Variants in HSPD1 observed in about 807,000 individuals in gnomAD.
The protein encoded by HSPD1 is heat shock protein family D (Hsp60) member 1.
A neutral mutation model predicts 53.0 loss-of-function variants in HSPD1; 3 were observed. The observed-to-expected ratio is 0.06, with a 90% CI of 0.03 to 0.15. The LOEUF (loss-of-function observed/expected upper bound fraction) is 0.15. HSPD1 is among the 10% of genes least tolerant of loss of function. HSPD1 has a pLI of 1.00. For missense variants in HSPD1, 431 were observed against 694.1 expected (o/e 0.62, Z 4.26); for synonymous variants, 200 against 228.0 (o/e 0.88, Z 1.10).
intron 10 of HSPD1, 85 bp downstream of exon 10, chr2:197,488,232 C>T: frequency 8.4e-7 from 1 of 1,190,700 alleles, no homozygotes; most frequent in Non-Finnish European, 1.2e-6. Context: ...AATGAATGTG[C>T]TATTCCATTT....
Position 197,491,392 on chromosome 2 carries a change from C to T in HSPD1, c.870-1096G>A, listed in dbSNP as rs9941536. ...AGCCAGGATGGTCTCCATCTCCTGA[C>T]CTCATGATCCACCCGCCTCGGCTTC... On this transcript the variant is annotated intron_variant, in intron 7 of 11. Transcript: ENST00000388968. Among the ~76,000 whole-genome samples the T allele has an allele frequency of 4.3e-3, 655 of 152,120 alleles. 6 individuals carry two copies. Among genetic ancestry groups the T allele is most frequent in the African/African-American group, 0.015 (629 of 41,502 alleles).
chr2:197,490,133 C>G, intron 8 of HSPD1, 64 bp downstream of exon 8: 1 of 1,142,878 alleles, frequency 8.7e-7, no homozygotes, highest in Non-Finnish European at 1.3e-6. Context: ...AAATGTTAAA[C>G]TATCTATAAA....
intron 7 of HSPD1, 87 bp downstream of exon 7, chr2:197,493,237 T>C (rs2086115956): frequency 9.1e-7 from 1 of 1,098,674 alleles, no homozygotes; most frequent in African/African-American, 1.5e-5. Flanking sequence ...AATGTGGAGG[T>C]ACACATGATG....
intron 2 of HSPD1, among the ~76,000 whole-genome samples, chr2:197,498,080 G>GTTTT (rs2086181204): frequency 6.6e-6 from 1 of 152,084 alleles, no homozygotes; most frequent in Non-Finnish European, 1.5e-5. Context: ...AAAACCGATG[G>GTTTT]GTAAAACTAG....
intron 7 of HSPD1, among the ~76,000 whole-genome samples, chr2:197,492,040 C>T (rs1261232975): frequency 2.0e-5 from 3 of 152,162 alleles, no homozygotes; most frequent in Admixed American, 2.0e-4. Context: ...GTGTGTAGTC[C>T]CAGCTACTTG....
intron 1 of HSPD1, 37 bp from the exon 2 acceptor site, chr2:197,498,887 C>G: frequency 1.3e-6 from 2 of 1,590,370 alleles, no homozygotes; most frequent in South Asian, 2.2e-5. Context: ...AGAACTACCA[C>G]CCGTGGTGCG....
intron 6 of HSPD1, among the ~76,000 whole-genome samples, 187 bp downstream of exon 6, chr2:197,493,970 C>T (rs1227449589): frequency 6.6e-6 from 1 of 152,138 alleles, no homozygotes; most frequent in East Asian, 1.9e-4. Context: ...GGCATGGTGG[C>T]GTGTGACTGT....
intron 4 of HSPD1, 187 bp downstream of exon 4, chr2:197,495,107 T>C: frequency 3.2e-6 from 2 of 624,496 alleles, no homozygotes. Context: ...GACAACCACA[T>C]GTAGAACTAA....
rs772384118 is a variant in HSPD1 at position 197,487,013 on chromosome 2, T to C, written c.*33A>G. 2 of 1,060,260 alleles carry C rather than the reference T, an allele frequency of 1.9e-6. No homozygotes were observed. Among genetic ancestry groups the C allele is most frequent in the East Asian group, 2.4e-5 (1 of 42,428 alleles). The allele number at this position is 1,060,260 out of a possible 1,614,324, so 65.7% of individuals were successfully genotyped here. A position where few individuals can be genotyped will look rare whatever the true frequency, so the allele number is the denominator to read the frequency against. On this transcript the variant is annotated 3_prime_UTR_variant, in exon 12 of 12. Coordinates refer to ENST00000388968, the MANE Select transcript of HSPD1 (RefSeq NM_002156.5). ...CACTGCCTTGGGCTTCCTGTCACAG[T>C]TCATTAATAAAGGTAAAGCACTAGT...
chr2:197,489,325 A>C, intron 8 of HSPD1, 78 bp from the exon 9 acceptor site: 2 of 1,376,574 alleles, frequency 1.5e-6, no homozygotes, highest in Admixed American at 1.7e-5. Flanking sequence ...TACACCATGC[A>C]AGAGAATCAT....
At chr2:197,493,683 A>G (rs1239789004) in intron 6 of HSPD1, among the ~76,000 whole-genome samples, 191 bp from the exon 7 acceptor site, 1 of 152,230 alleles carries the variant, frequency 6.6e-6, no homozygotes, top group East Asian at 1.9e-4. Context: ...ACTAATACCT[A>G]TAGTTTGACA....
intron 3 of HSPD1, among the ~76,000 whole-genome samples, chr2:197,495,809 A>G (rs945228391): frequency 3.3e-5 from 5 of 152,204 alleles, no homozygotes; most frequent in South Asian, 2.1e-4. Flanking sequence ...GTGCTTCTTA[A>G]TAACACAGAG....
chr2:197,492,780 G>C (rs2086110341), intron 7 of HSPD1, among the ~76,000 whole-genome samples: 1 of 151,838 alleles, frequency 6.6e-6, no homozygotes, highest in Non-Finnish European at 1.5e-5. Flanking sequence ...GGGAGGCTGA[G>C]GCGGGCGGAT....
intron 9 of HSPD1, among the ~76,000 whole-genome samples, chr2:197,488,717 A>G (rs1380171269): frequency 6.6e-6 from 1 of 152,036 alleles, no homozygotes; most frequent in Admixed American, 6.6e-5. Flanking sequence ...AAAAATACAA[A>G]ATTAGCCAGG....
In HSPD1 at chr2:197,499,008, G is replaced by C. The variant is rs1166405659; in HGVS notation, c.-2-158C>G. 16 of 734,746 alleles carry C rather than the reference G, an allele frequency of 2.2e-5. No homozygotes were observed. In the Admixed American group the frequency reaches 2.8e-4, roughly 13 times the overall value. The allele number at this position is 734,746 out of a possible 1,614,324, so 45.5% of individuals were successfully genotyped here. ...GAATGACGGAAGGCGCCGCAGCTTC[G>C]GAACATCAGCCACTAGCGCAAGCTA... is the stretch of plus-strand genomic sequence containing the variant. On this transcript the variant is annotated intron_variant, in intron 1 of 11. Coordinates refer to ENST00000388968, the MANE Select transcript of HSPD1 (RefSeq NM_002156.5).
rs140261894 is a variant in HSPD1, at chr2:197,494,195, C to T, written c.662G>A (p.Arg221Gln). The change falls in exon 6 of 12, where the codon CGA becomes CAA. Residue 221 changes from arginine to glutamine, a missense_variant. This residue lies in a region of HSPD1 where 386 missense variants were observed against 657.6 expected (regional missense o/e 0.59). Transcript: ENST00000388968. ...AATAAAGTATGGAGAAATATAGCCT[C>T]GATCAAACTTCATGCCTTCAATAAT... ...LEIIEGMKFD[R>Q]GYISPYFINT... 2.5e-5 allele frequency: 39 copies of T among 1,546,738 alleles called. No individual in the cohort carries two copies. Among genetic ancestry groups the T allele is most frequent in the African/African-American group, 5.4e-5 (4 of 73,628 alleles).
At position 197,489,094 on chromosome 2, in the gene HSPD1, T is replaced by C; in HGVS notation, c.1123A>G (p.Ile375Val). 1 of 1,613,988 alleles carries C rather than the reference T, an allele frequency of 6.2e-7. No homozygotes were observed. Among genetic ancestry groups the C allele is most frequent in the South Asian group, 1.1e-5 (1 of 91,080 alleles). The change falls in exon 9 of 12, where the codon ATT becomes GTT. Residue 375 changes from isoleucine (I) to valine (V), a missense_variant. By Grantham distance (29) the Ile-to-Val change is conservative. Transcript: ENST00000388968. ...AQIEKRIQEIIEQLDVTTSEY... is the reference protein window; with the variant it reads ...AQIEKRIQEIVEQLDVTTSEY... ...CTAGTTGTGACATCTAACTGCTCAA[T>C]GATTTCTTGAATACGTTTTTCAATT...
rs1380311890 is a variant in HSPD1, at chr2:197,491,226, C to T, written c.870-930G>A. On this transcript the variant is annotated intron_variant, in intron 7 of 11. Coordinates refer to ENST00000388968, the MANE Select transcript of HSPD1 (RefSeq NM_002156.5). ...TTTTTGAGACAGAGTCTTGCTCTGTCGCCCAGGCTGGAGTGCAGTGGCGAG... is the reference window on the plus strand; with the variant it reads ...TTTTTGAGACAGAGTCTTGCTCTGTTGCCCAGGCTGGAGTGCAGTGGCGAG... Among the ~76,000 whole-genome samples, 10 of 144,064 alleles carry T rather than the reference C, an allele frequency of 6.9e-5. No homozygotes were observed. In the South Asian group the frequency reaches 8.7e-4, roughly 13 times the overall value. 94.5% of individuals were successfully genotyped at this position (144,064 alleles called of 152,430 possible). A position where few individuals can be genotyped will look rare whatever the true frequency, so the allele number is the denominator to read the frequency against.
intron 4 of HSPD1, 151 bp from the exon 5 acceptor site, chr2:197,494,903 G>C (rs945467249): frequency 1.6e-5 from 11 of 678,814 alleles, no homozygotes; most frequent in Middle Eastern, 2.4e-4. Flanking sequence ...TGAAGTACTG[G>C]TTCTTTGCTC....
Sources: allele counts gnomAD v4.1 joint callset (sites outside exome capture counted in the v4.1 genomes callset), GRCh38; gene constraint gnomAD v4.1.1; regional missense constraint gnomAD v4.1.1; transcripts MANE v1.5; gene names NCBI Gene and HGNC (gene_info 2026-07-23, HGNC 2026-07-21).